CPEB1: variants seen among roughly 807,000 people sequenced by gnomAD.
CPEB1 encodes cytoplasmic polyadenylation element binding protein 1, also known as cytoplasmic polyadenylation element-binding protein 1.
In CPEB1, 7 loss-of-function variants were observed where a neutral mutation model predicts 65.8. The observed-to-expected ratio is 0.11, with a 90% CI of 0.06 to 0.20. The LOEUF (loss-of-function observed/expected upper bound fraction) is 0.20. Ranked by LOEUF, CPEB1 falls within the 10% of genes least tolerant of loss-of-function variation. The probability of loss-of-function intolerance (pLI) is 1.00; values close to 1 mark genes in which losing one functional copy is unlikely to be tolerated. For missense variants in CPEB1, 551 were observed against 712.2 expected, an observed-to-expected ratio of 0.77 and a Z score of 2.58; for synonymous variants, 262 against 260.0, an observed-to-expected ratio of 1.01 and a Z score of -0.08.
intron 3 of CPEB1, among the ~76,000 whole-genome samples, chr15:82,596,269 G>A (rs1369561960): frequency 6.6e-6 from 1 of 152,108 alleles, no homozygotes; most frequent in African/African-American, 2.4e-5. Context: ...TTCTCTTGAT[G>A]GCATAATATT....
At chr15:82,547,115 G>A in intron 11 of CPEB1, 28 bp downstream of exon 11, 6 of 1,518,242 alleles carry the variant, frequency 4.0e-6, no homozygotes, top group Non-Finnish European at 5.5e-6. Context: ...ATATACCCCA[G>A]AGTAAGGGCA....
intron 3 of CPEB1, among the ~76,000 whole-genome samples, chr15:82,579,900 CAG>C (rs2041076127): frequency 9.4e-6 from 1 of 106,668 alleles, no homozygotes; most frequent in Non-Finnish European, 1.7e-5. Context: ...GCCTGGGCGA[CAG>C]AGTGAGACTC....
chr15:82,644,086 C>T (rs2047307595), intron 1 of CPEB1, among the ~76,000 whole-genome samples: 1 of 152,188 alleles, frequency 6.6e-6, no homozygotes, highest in Admixed American at 6.5e-5. Context: ...TTCCCCAGAC[C>T]TCCGGCTCTC....
At chr15:82,638,337 T>C (rs2046833761) in intron 1 of CPEB1, among the ~76,000 whole-genome samples, 1 of 152,176 alleles carries the variant, frequency 6.6e-6, no homozygotes, top group Non-Finnish European at 1.5e-5. Flanking sequence ...TGTTAGTCAT[T>C]TGACAAATAT....
intron 3 of CPEB1, among the ~76,000 whole-genome samples, chr15:82,589,361 T>TG (rs1483669316): frequency 6.6e-6 from 1 of 152,224 alleles, no homozygotes; most frequent in Non-Finnish European, 1.5e-5. Context: ...CAATTGTATG[T>TG]GGGGCGGCAA....
chr15:82,624,386 GGCA>G (rs932511822), intron 3 of CPEB1, among the ~76,000 whole-genome samples: 3 of 152,258 alleles, frequency 2.0e-5, no homozygotes, highest in African/African-American at 7.2e-5. Context: ...AAACCTGTGA[GGCA>G]GGTTGAGCAG....
At position 82,553,665 on chromosome 15, in the gene CPEB1, A is replaced by G. The variant is rs964090010; in HGVS notation, c.1055-109T>C. 38 of 864,080 alleles carry G rather than the reference A, an allele frequency of 4.4e-5. No individual in the cohort carries two copies. The African/African-American group carries it at 5.6e-4, about 13-fold the overall frequency. 53.5% of individuals were successfully genotyped at this position (864,080 alleles called of 1,614,324 possible). A position where few individuals can be genotyped will look rare whatever the true frequency, so the allele number is the denominator to read the frequency against. ...CCTCCCTGGCTCATCCCCACTGACA[A>G]ACAACTCAGAAACGAATGCTGATCT... On this transcript the variant is annotated intron_variant, in intron 7 of 12. Transcript: ENST00000684509.
At chr15:82,628,750 G>C (rs971760426) in intron 1 of CPEB1, 194 bp from the exon 2 acceptor site, 1 of 326,528 alleles carries the variant, frequency 3.1e-6, no homozygotes, top group Non-Finnish European at 5.6e-6. Context: ...CCTCTTCCTC[G>C]GCCTGCTCAA....
At chr15:82,606,610 A>AGATCGAGACCGGGATCATCGAGACCGG (rs2043629016) in intron 3 of CPEB1, among the ~76,000 whole-genome samples, 1 of 47,796 alleles carries the variant, frequency 2.1e-5, no homozygotes, top group Admixed American at 1.8e-4. Flanking sequence ...CGAGGTCAGG[A>AGATCGAGACCGGGATCATCGAGACCGG]GATCGAGACC....
intron 6 of CPEB1, among the ~76,000 whole-genome samples, chr15:82,554,210 C>G (rs1417686493): frequency 6.6e-6 from 1 of 152,206 alleles, no homozygotes; most frequent in Admixed American, 6.5e-5. Context: ...TCTGTCCCCA[C>G]TAAAATTGAA....
intron 3 of CPEB1, among the ~76,000 whole-genome samples, chr15:82,608,125 C>T (rs1402762231): frequency 1.3e-5 from 2 of 152,224 alleles, no homozygotes; most frequent in African/African-American, 4.8e-5. Flanking sequence ...TGCAGGTTAG[C>T]CTAGATTCCC....
chr15:82,552,675 T>C, intron 8 of CPEB1, 59 bp from the exon 9 acceptor site: 1 of 1,578,712 alleles, frequency 6.3e-7, no homozygotes, highest in Non-Finnish European at 8.7e-7. Context: ...CTCCTCAGCC[T>C]TGGCTTTGCA....
At chr15:82,598,931 C>T (rs1414948666) in intron 3 of CPEB1, among the ~76,000 whole-genome samples, 1 of 152,012 alleles carries the variant, frequency 6.6e-6, no homozygotes, top group African/African-American at 2.4e-5. Flanking sequence ...ATATATACAC[C>T]TACTGTGTAC....
chr15:82,582,900 G>A lies in CPEB1; in HGVS notation c.272-11368C>T, dbSNP rs143476208. 9.9e-3 allele frequency among the ~76,000 whole-genome samples: 1,507 copies of A among 151,666 alleles called. 14 individuals carry two copies. Among genetic ancestry groups the A allele is most frequent in the African/African-American group, 0.01 (419 of 41,346 alleles). On this transcript the variant is annotated intron_variant, in intron 3 of 12. Transcript: ENST00000684509. ...TCGGACAACAGACACTGGCCACCAC[G>A]ACAGCTAATTTTTTGTATTTTTAGT...
chr15:82,600,259 G>C (rs1267502899), intron 3 of CPEB1, among the ~76,000 whole-genome samples: 1 of 152,176 alleles, frequency 6.6e-6, no homozygotes, highest in Non-Finnish European at 1.5e-5. Context: ...TATATGGAGA[G>C]TGAAATGATA....
intron 3 of CPEB1, among the ~76,000 whole-genome samples, chr15:82,614,188 G>C (rs1205316078): frequency 2.0e-5 from 3 of 152,194 alleles, no homozygotes; most frequent in Non-Finnish European, 2.9e-5. Context: ...CTCCCAGGCT[G>C]GAGTGCAGCA....
chr15:82,636,759 A>C (rs2046690476), intron 1 of CPEB1, among the ~76,000 whole-genome samples: 1 of 152,218 alleles, frequency 6.6e-6, no homozygotes, highest in African/African-American at 2.4e-5. Context: ...CACTCAATAC[A>C]GATACCACAT....
At chr15:82,636,861 T>C (rs2046702099) in intron 1 of CPEB1, among the ~76,000 whole-genome samples, 1 of 152,194 alleles carries the variant, frequency 6.6e-6, no homozygotes, top group South Asian at 2.1e-4. Flanking sequence ...TTCTTAAGAT[T>C]TTAGATACAT....
rs59925251 is a variant in CPEB1, at chr15:82,579,918, CAAAAAAAAAAAAAAAAAAAAAAAAAA to C, written c.272-8412_272-8387del. 1.2e-3 allele frequency among the ~76,000 whole-genome samples: 39 copies of C among 32,680 alleles called. 2 individuals carry two copies. The highest frequency in any genetic ancestry group is 2.9e-3 in the African/African-American group (37 of 12,834). The allele number at this position is 32,680 out of a possible 152,430, so 21.4% of individuals were successfully genotyped here. On this transcript the variant is annotated intron_variant, in intron 3 of 12. Coordinates refer to ENST00000684509, the MANE Select transcript of CPEB1 (RefSeq NM_001365242.1). ...TGGGCGACAGAGTGAGACTCCGTCT[CAAAAAAAAAAAAAAAAAAAAAAAAAA>C]AAAAAAAAAAAAAGACTCTCAAGCA...
Sources: gnomAD v4.1 joint callset for allele counts (sites outside exome capture counted in the v4.1 genomes callset) on GRCh38, gnomAD v4.1.1 for gene constraint, MANE v1.5 for transcripts, NCBI Gene and HGNC (gene_info 2026-07-23, HGNC 2026-07-21) for gene names.